The following ANKRD30B variants were observed in gnomAD, a reference collection of about 807,000 sequenced individuals.
The protein encoded by ANKRD30B is ankyrin repeat domain-containing protein 30B.
A neutral mutation model predicts 202.2 loss-of-function variants in ANKRD30B; 144 were observed. That is an observed-to-expected ratio of 0.71 (90% CI 0.62 to 0.82). The LOEUF (loss-of-function observed/expected upper bound fraction) is 0.82, where lower values mean the gene tolerates loss of function less well. ANKRD30B is among the 40% of genes least tolerant of loss of function. The pLI is 0.00. For missense variants in ANKRD30B, 1,487 were observed against 1,669.1 expected, an observed-to-expected ratio of 0.89 and a Z score of 1.90; for synonymous variants, 508 against 561.3, an observed-to-expected ratio of 0.91 and a Z score of 1.34.
At chr18:14,934,908 C>CCACACACACA in the ANKRD30B span, among the ~76,000 whole-genome samples, 708 of 134,662 alleles carry the variant, frequency 5.3e-3, 6 homozygotes, top group African/African-American at 0.017. Context: ...CCTCCCTCTA[C>CCACACACACA]CACACACACA....
the ANKRD30B span, among the ~76,000 whole-genome samples, chr18:14,912,740 G>A: frequency 6.6e-6 from 1 of 152,286 alleles, no homozygotes; most frequent in Admixed American, 6.5e-5. Context: ...AGCCCATCTG[G>A]CCCTGGGTTT....
the ANKRD30B span, among the ~76,000 whole-genome samples, chr18:14,913,779 T>A: frequency 6.6e-6 from 1 of 152,186 alleles, no homozygotes; most frequent in Non-Finnish European, 1.5e-5. Context: ...GGACCCCAGA[T>A]CCTCTGGGAT....
chr18:14,798,067 T>C (rs1969042499), intron 20 of ANKRD30B, among the ~76,000 whole-genome samples: 2 of 152,188 alleles, frequency 1.3e-5, no homozygotes, highest in African/African-American at 4.8e-5. Flanking sequence ...CTCATGTGGA[T>C]ATCTGTCCAG....
the ANKRD30B span, among the ~76,000 whole-genome samples, chr18:14,907,020 C>A: frequency 6.6e-6 from 1 of 152,110 alleles, no homozygotes; most frequent in South Asian, 2.1e-4. Flanking sequence ...AAGGAAATGT[C>A]TCAGTTAAGA....
At chr18:14,863,045 T>C in the ANKRD30B span, among the ~76,000 whole-genome samples, 60 of 152,332 alleles carry the variant, frequency 3.9e-4, no homozygotes, top group South Asian at 8.3e-4. Flanking sequence ...GGCTCACAGA[T>C]GGAGGAACGT....
At chr18:14,926,078 GC>G in the ANKRD30B span, among the ~76,000 whole-genome samples, 2 of 152,192 alleles carry the variant, frequency 1.3e-5, no homozygotes, top group Non-Finnish European at 2.9e-5. Context: ...CATTCCTCAT[GC>G]CTACCAGCGG....
the ANKRD30B span, among the ~76,000 whole-genome samples, chr18:14,923,728 T>C: frequency 0.023 from 3,438 of 152,290 alleles, 148 homozygotes; most frequent in African/African-American, 0.079. Context: ...CAGATCAACA[T>C]TGGTGGTCTT....
At chr18:14,837,159 T>A in intron 34 of ANKRD30B, 52 bp from the exon 35 acceptor site, 1 of 1,240,718 alleles carries the variant, frequency 8.1e-7, no homozygotes, top group Non-Finnish European at 1.1e-6. Flanking sequence ...AAATACAATT[T>A]TTTTCTGAAG....
intron 14 of ANKRD30B, among the ~76,000 whole-genome samples, chr18:14,784,983 AC>A (rs1326390820): frequency 2.6e-5 from 4 of 151,802 alleles, no homozygotes; most frequent in Admixed American, 1.3e-4. Flanking sequence ...AAACTCAGTA[AC>A]TCGGATCAGT....
chr18:14,760,604 A>G lies in ANKRD30B; in HGVS notation c.806A>G (p.Gln269Arg). Residue 269 changes from glutamine to arginine, a missense_variant, in exon 6 of 44, where the codon CAA (glutamine) becomes CGA (arginine). Coordinates refer to ENST00000690538, the MANE Select transcript of ANKRD30B (RefSeq NM_001367607.2). ...EHIRKLPKNP[Q>R]NTNPEGTSTG... is the part of the protein sequence containing the mutation. Reference sequence around the variant, plus strand: ...ATACGAAAATTACCTAAAAATCCTCAAAATACCAATCCAGGTAAGACTTCG... The same window carrying G: ...ATACGAAAATTACCTAAAAATCCTCGAAATACCAATCCAGGTAAGACTTCG... 6.5e-7 allele frequency: 1 copy of G among 1,536,580 alleles called. No homozygotes were observed.
intron 16 of ANKRD30B, 59 bp downstream of exon 16, chr18:14,791,550 G>C (rs1048494651): frequency 8.1e-6 from 11 of 1,353,892 alleles, no homozygotes; most frequent in Non-Finnish European, 1.1e-5. Flanking sequence ...AAACTGATGA[G>C]GAAGGATATC....
chr18:14,894,579 A>C, the ANKRD30B span, among the ~76,000 whole-genome samples: 13 of 152,186 alleles, frequency 8.5e-5, no homozygotes, highest in African/African-American at 3.1e-4. Context: ...CAGTGGTTTG[A>C]TATTTAGCCA....
At chr18:14,770,889 A>G (rs1966957887) in intron 8 of ANKRD30B, among the ~76,000 whole-genome samples, 1 of 152,050 alleles carries the variant, frequency 6.6e-6, no homozygotes, top group Admixed American at 6.5e-5. Context: ...CTTTCACCCC[A>G]AATCTCACAA....
At chr18:14,785,652 C>T (rs1343358448) in intron 14 of ANKRD30B, among the ~76,000 whole-genome samples, 10 of 152,164 alleles carry the variant, frequency 6.6e-5, no homozygotes, top group South Asian at 2.1e-4. Flanking sequence ...ATCTCTGAAA[C>T]GATCCAGGGT....
chr18:14,877,598 G>A, the ANKRD30B span: 1 of 151,490 alleles, frequency 6.6e-6, no homozygotes, highest in East Asian at 1.9e-4. Context: ...CCTTTCCACA[G>A]CCCTGTAAGG....
At chr18:14,819,671 G>A (rs1448680222) in intron 30 of ANKRD30B, among the ~76,000 whole-genome samples, 1 of 151,842 alleles carries the variant, frequency 6.6e-6, no homozygotes, top group African/African-American at 2.4e-5. Context: ...TCAGATAGTT[G>A]TAGATATGTG....
chr18:14,908,817 G>A, the ANKRD30B span, among the ~76,000 whole-genome samples: 1 of 152,126 alleles, frequency 6.6e-6, no homozygotes, highest in Non-Finnish European at 1.5e-5. Flanking sequence ...GCTCCTGAGG[G>A]CCCTCCCCTG....
At chr18:14,811,419 G>C (rs932048690) in intron 28 of ANKRD30B, among the ~76,000 whole-genome samples, 12 of 151,140 alleles carry the variant, frequency 7.9e-5, no homozygotes, top group African/African-American at 2.9e-4. Flanking sequence ...CACCATGTTA[G>C]CCAGGATGGT....
At chr18:14,752,768 T>C (rs1598558380) in intron 2 of ANKRD30B, 71 bp from the exon 3 acceptor site, 1 of 1,541,818 alleles carries the variant, frequency 6.5e-7, no homozygotes, top group East Asian at 2.4e-5. Context: ...ACAACTAGTT[T>C]GTGAAACCTG....
Sources: allele counts gnomAD v4.1 joint callset (sites outside exome capture counted in the v4.1 genomes callset), GRCh38; gene constraint gnomAD v4.1.1; transcripts MANE v1.5; gene names NCBI Gene and HGNC (gene_info 2026-07-23, HGNC 2026-07-21).